The following FAM20B variants were observed in gnomAD, a reference collection of about 807,000 sequenced individuals.
FAM20B encodes glycosaminoglycan xylosylkinase.
FAM20B carries 23 observed loss-of-function variants against 43.8 expected under a neutral mutation model. That is an observed-to-expected ratio of 0.53 (90% CI 0.38 to 0.74). The LOEUF (loss-of-function observed/expected upper bound fraction) is 0.74. FAM20B is among the 30% of genes least tolerant of loss of function. FAM20B has a pLI of 0.00. For synonymous variants in FAM20B, 178 were observed against 192.4 expected, an observed-to-expected ratio of 0.93 and a Z score of 0.62; for missense variants, 440 against 510.5, an observed-to-expected ratio of 0.86 and a Z score of 1.33.
rs749107151 is a variant in FAM20B, at chr1:179,043,924, A to G, written c.77A>G (p.Asp26Gly). ...IFIFTKVFLI[D>G]NLDTSAANRE... is the part of the protein sequence containing the mutation. ...ATCTTCACCAAAGTTTTCCTGATTG[A>G]CAACTTAGATACATCAGCTGCCAAC... Residue 26 changes from aspartate to glycine, a missense_variant, in exon 2 of 8, where the codon GAC becomes GGC. Transcript: ENST00000263733. 6.2e-7 allele frequency: 1 copy of G among 1,612,682 alleles called. No individual in the cohort carries two copies. Among genetic ancestry groups the G allele is most frequent in the Admixed American group, 1.7e-5 (1 of 59,986 alleles).
rs1045092390 is a variant in FAM20B at position 179,074,289 on chromosome 1, T to A, written c.*2145T>A. 2.6e-5 allele frequency: 4 copies of A among 152,672 alleles called. No homozygotes were observed. The highest frequency in any genetic ancestry group is 6.5e-5 in the Admixed American group (1 of 15,284). The allele number at this position is 152,672 out of a possible 1,614,324, so 9.5% of individuals were successfully genotyped here. A position where few individuals can be genotyped will look rare whatever the true frequency, so the allele number is the denominator to read the frequency against. ...GAGGCATTGATTTCAGTTTTAAGGCTACTCAGTGTTGTGTGTCCAGGGAAA... is the reference window on the plus strand; with the variant it reads ...GAGGCATTGATTTCAGTTTTAAGGCAACTCAGTGTTGTGTGTCCAGGGAAA... On this transcript the variant is annotated 3_prime_UTR_variant, in exon 8 of 8. Transcript: ENST00000263733.
chr1:179,037,479 C>CTTTTTTTTTTT (rs768903406), intron 1 of FAM20B, among the ~76,000 whole-genome samples: 11 of 88,380 alleles, frequency 1.2e-4, no homozygotes, highest in African/African-American at 2.8e-4. Flanking sequence ...GTATGTCGGT[C>CTTTTTTTTTTT]TTTTTTTTTT....
intron 1 of FAM20B, among the ~76,000 whole-genome samples, chr1:179,037,624 T>C (rs970060686): frequency 6.6e-6 from 1 of 151,796 alleles, no homozygotes; most frequent in Admixed American, 6.6e-5. Flanking sequence ...GTAGCTGGGA[T>C]TACAGGTGCC....
At chr1:179,058,186 A>G (rs1557876181) in intron 4 of FAM20B, among the ~76,000 whole-genome samples, 1 of 152,256 alleles carries the variant, frequency 6.6e-6, no homozygotes, top group Non-Finnish European at 1.5e-5. Flanking sequence ...AATAAGATCT[A>G]TCAGATTAGT....
intron 1 of FAM20B, among the ~76,000 whole-genome samples, chr1:179,039,550 G>T (rs894756738): frequency 6.6e-6 from 1 of 152,042 alleles, no homozygotes; most frequent in Non-Finnish European, 1.5e-5. Context: ...ACCCAGTTTT[G>T]ATTATCCATG....
In FAM20B at chr1:179,072,737, G is replaced by T. The variant is rs1215113015; in HGVS notation, c.*593G>T. The T allele has an allele frequency of 6.6e-6, 1 of 152,504 alleles. No homozygotes were observed. The highest frequency in any genetic ancestry group is 1.5e-5 in the Non-Finnish European group (1 of 68,282). 9.4% of individuals were successfully genotyped at this position (152,504 alleles called of 1,614,324 possible). On this transcript the variant is annotated 3_prime_UTR_variant, in exon 8 of 8. Coordinates refer to ENST00000263733, the MANE Select transcript of FAM20B (RefSeq NM_014864.4). ...AAAATGTTTGGGCTTTTAAGCCATTGGGTAGTATTGTTTTGATGATCTTAG... is the reference window on the plus strand; with the variant it reads ...AAAATGTTTGGGCTTTTAAGCCATTTGGTAGTATTGTTTTGATGATCTTAG...
At position 179,075,278 on chromosome 1, in the gene FAM20B, A is replaced by G. The variant is rs976739380; in HGVS notation, c.*3134A>G. On this transcript the variant is annotated 3_prime_UTR_variant, in exon 8 of 8. Coordinates refer to ENST00000263733, the MANE Select transcript of FAM20B (RefSeq NM_014864.4). ...TTAGAATCTAAGGCTGTTACAATCA[A>G]GTCGTTGCAGGGTTTGGATCAGCTG... 1 of 152,136 alleles carries G rather than the reference A, an allele frequency of 6.6e-6. No individual in the cohort carries two copies. The highest frequency in any genetic ancestry group is 1.5e-5 in the Non-Finnish European group (1 of 68,042). 9.4% of individuals were successfully genotyped at this position (152,136 alleles called of 1,614,324 possible). A position where few individuals can be genotyped will look rare whatever the true frequency, so the allele number is the denominator to read the frequency against.
intron 4 of FAM20B, among the ~76,000 whole-genome samples, chr1:179,060,290 T>C (rs1008711380): frequency 4.6e-5 from 7 of 152,324 alleles, no homozygotes; most frequent in East Asian, 1.9e-4. Flanking sequence ...CAGAATTTTA[T>C]TGGACTTAAA....
intron 7 of FAM20B, 114 bp from the exon 8 acceptor site, chr1:179,071,799 T>C (rs1474876042): frequency 1.4e-6 from 1 of 726,190 alleles, no homozygotes; most frequent in Non-Finnish European, 2.4e-6. Context: ...CAAAAATTAT[T>C]TAGTTAAAGG....
chr1:179,050,366 G>C lies in FAM20B; in HGVS notation c.464+1G>C, dbSNP rs754298364. On this transcript the variant is annotated splice_donor_variant, in intron 3 of 7. Coordinates refer to ENST00000263733, the MANE Select transcript of FAM20B (RefSeq NM_014864.4). LOFTEE classifies it high-confidence loss of function. ...AGGTAGCAGCCTTTCACTTGGACAG[G>C]TGCGTATGATCACAGCAGCTTATGT... The C allele has an allele frequency of 6.2e-7, 1 of 1,611,048 alleles. No individual in the cohort carries two copies. The highest frequency in any genetic ancestry group is 1.7e-5 in the Admixed American group (1 of 60,014).
chr1:179,022,990 CA>C (rs1649632478), upstream of FAM20B, among the ~76,000 whole-genome samples: 1 of 152,202 alleles, frequency 6.6e-6, no homozygotes, highest in South Asian at 2.1e-4. Context: ...AATGTGATCA[CA>C]ACCATGAGGG....
chr1:179,045,903 AC>A (rs1301657827), intron 2 of FAM20B, among the ~76,000 whole-genome samples: 6 of 151,712 alleles, frequency 4.0e-5, no homozygotes, highest in African/African-American at 1.2e-4. Context: ...AAAAAAAAAA[AC>A]CAAAAAACAA....
At chr1:179,055,351 T>C (rs1278047834) in intron 4 of FAM20B, among the ~76,000 whole-genome samples, 2 of 152,204 alleles carry the variant, frequency 1.3e-5, no homozygotes, top group Non-Finnish European at 2.9e-5. Flanking sequence ...TGCTCTGCAT[T>C]AGGGCATGAC....
At chr1:179,051,496 G>A (rs1000257251) in intron 3 of FAM20B, among the ~76,000 whole-genome samples, 3 of 151,974 alleles carry the variant, frequency 2.0e-5, no homozygotes, top group Non-Finnish European at 2.9e-5. Flanking sequence ...GTGTGGTGGC[G>A]TGTGCCTATA....
intron 1 of FAM20B, among the ~76,000 whole-genome samples, chr1:179,033,274 G>A (rs1248915698): frequency 1.3e-5 from 2 of 152,046 alleles, no homozygotes; most frequent in African/African-American, 4.8e-5. Flanking sequence ...GTATGCAAGT[G>A]GATTTTAGTA....
At chr1:179,051,671 G>C (rs966140457) in intron 3 of FAM20B, among the ~76,000 whole-genome samples, 22 of 151,996 alleles carry the variant, frequency 1.4e-4, no homozygotes, top group Non-Finnish European at 3.1e-4. Flanking sequence ...TTCTGAGACA[G>C]AGTCTCACTC....
chr1:179,050,460 T>G, intron 3 of FAM20B, 95 bp downstream of exon 3: 1 of 800,462 alleles, frequency 1.2e-6, no homozygotes, highest in Non-Finnish European at 2.1e-6. Context: ...GATGCAACAC[T>G]AATAAATAAC....
At chr1:179,055,951 T>C (rs1651199059) in intron 4 of FAM20B, among the ~76,000 whole-genome samples, 1 of 152,234 alleles carries the variant, frequency 6.6e-6, no homozygotes, top group Non-Finnish European at 1.5e-5. Context: ...ATAACCTTGT[T>C]GTTATTGTTG....
At chr1:179,035,357 G>C in intron 1 of FAM20B, 1 of 696,206 alleles carries the variant, frequency 1.4e-6, no homozygotes, top group Non-Finnish European at 2.7e-6. Context: ...GGTCTAAATC[G>C]GGGTAGGGGT....
Sources: gnomAD v4.1 joint callset for allele counts (sites outside exome capture counted in the v4.1 genomes callset) on GRCh38, gnomAD v4.1.1 for gene constraint, MANE v1.5 for transcripts, NCBI Gene and HGNC (gene_info 2026-07-23, HGNC 2026-07-21) for gene names.